Variants in TRIM65 observed in about 807,000 individuals in gnomAD.
TRIM65 encodes the protein tripartite motif containing 65, also known as E3 ubiquitin-protein ligase TRIM65.
A neutral mutation model predicts 36.1 loss-of-function variants in TRIM65; 46 were observed. The observed-to-expected ratio is 1.27, with a 90% CI of 1.01 to 1.63. The LOEUF (loss-of-function observed/expected upper bound fraction) is 1.63. Ranked by LOEUF, TRIM65 falls within the 40% of genes most tolerant of loss-of-function variation. The pLI is 0.00. For synonymous variants in TRIM65, 346 were observed against 313.6 expected (o/e 1.10, Z -1.09); for missense variants, 708 against 696.6 (o/e 1.02, Z -0.18).
At chr17:75,893,099 A>G (rs2065297540) in intron 1 of TRIM65, among the ~76,000 whole-genome samples, 1 of 152,238 alleles carries the variant, frequency 6.6e-6, no homozygotes, top group African/African-American at 2.4e-5. Context: ...CCTTGGGCTC[A>G]GGACCCAACT....
In TRIM65 at chr17:75,896,735, C is replaced by G; in HGVS notation, c.203G>C (p.Gly68Ala). 1 of 1,468,312 alleles carries G rather than the reference C, an allele frequency of 6.8e-7. No individual in the cohort carries two copies. Among genetic ancestry groups the G allele is most frequent in the African/African-American group, 1.5e-5 (1 of 68,214 alleles). 91.0% of individuals were successfully genotyped at this position (1,468,312 alleles called of 1,614,324 possible). A position where few individuals can be genotyped will look rare whatever the true frequency, so the allele number is the denominator to read the frequency against. Residue 68 changes from glycine (G) to alanine (A), a missense_variant, in exon 1 of 6, where the codon GGC (glycine) becomes GCC (alanine). By Grantham distance (60) the Gly-to-Ala change is moderately conservative (BLOSUM62 0). Coordinates refer to ENST00000269383, the MANE Select transcript of TRIM65 (RefSeq NM_173547.4). ...CCCGGCGCGCACCACCTCCAGCACG[C>G]CGCTGAGGGCCACGTTGCGGCGCAG... is the stretch of plus-strand genomic sequence containing the variant. Reference protein sequence around the residue: ...AELRRNVALSGVLEVVRAGPA... With the variant: ...AELRRNVALSAVLEVVRAGPA...
downstream of TRIM65, among the ~76,000 whole-genome samples, chr17:75,884,165 T>G (rs2065188915): frequency 6.7e-6 from 1 of 150,308 alleles, no homozygotes; most frequent in Admixed American, 6.6e-5. Flanking sequence ...AGATAGATAG[T>G]AAACAATTTA....
At position 75,890,054 on chromosome 17, in the gene TRIM65, A is replaced by T. The variant is rs974140130; in HGVS notation, c.*725T>A. ...CAGTGAAAATTTTCAATCATGTGAA[A>T]AATGCTTATGTTAAGTCAGGAAACT... On this transcript the variant is annotated 3_prime_UTR_variant, in exon 6 of 6. Coordinates refer to ENST00000269383, the MANE Select transcript of TRIM65 (RefSeq NM_173547.4). 1 of 152,212 alleles carries T rather than the reference A, an allele frequency of 6.6e-6. No individual in the cohort carries two copies. The highest frequency in any genetic ancestry group is 2.4e-5 in the African/African-American group (1 of 41,452). The allele number at this position is 152,212 out of a possible 1,614,324, so 9.4% of individuals were successfully genotyped here. A position where few individuals can be genotyped will look rare whatever the true frequency, so the allele number is the denominator to read the frequency against.
chr17:75,889,944 A>T lies in TRIM65; in HGVS notation c.*835T>A, dbSNP rs145180229. 2.6e-5 allele frequency: 4 copies of T among 152,168 alleles called. No homozygotes were observed. Among genetic ancestry groups the T allele is most frequent in the Non-Finnish European group, 4.4e-5 (3 of 68,030 alleles). 9.4% of individuals were successfully genotyped at this position (152,168 alleles called of 1,614,324 possible). ...ATCCTGTCTCAAAAAAAACACATCA[A>T]TGTTTGTATAGCTAAAAAGAAAGAA... On this transcript the variant is annotated 3_prime_UTR_variant, in exon 6 of 6. Coordinates refer to ENST00000269383, the MANE Select transcript of TRIM65 (RefSeq NM_173547.4).
chr17:75,888,980 A>G lies in TRIM65; in HGVS notation c.*1799T>C, dbSNP rs2065232011. The G allele has an allele frequency of 6.6e-6, 1 of 151,132 alleles. No homozygotes were observed. The highest frequency in any genetic ancestry group is 1.5e-5 in the Non-Finnish European group (1 of 67,860). The allele number at this position is 151,132 out of a possible 1,614,324, so 9.4% of individuals were successfully genotyped here. A position where few individuals can be genotyped will look rare whatever the true frequency, so the allele number is the denominator to read the frequency against. On this transcript the variant is annotated 3_prime_UTR_variant, in exon 6 of 6. Transcript: ENST00000269383. ...ACGTATTATCCTTTTAAAAAGTTTT[A>G]TTGTGAAATATTTATCCATGAGTAC...
At chr17:75,893,618 T>A (rs573137227) in intron 1 of TRIM65, among the ~76,000 whole-genome samples, 9 of 152,116 alleles carry the variant, frequency 5.9e-5, no homozygotes, top group African/African-American at 1.9e-4. Flanking sequence ...ACCATTACTA[T>A]CCCCACATCA....
downstream of TRIM65, among the ~76,000 whole-genome samples, chr17:75,888,597 C>G (rs966859569): frequency 1.2e-4 from 19 of 152,202 alleles, no homozygotes; most frequent in African/African-American, 4.3e-4. Context: ...GAGGTGGGGA[C>G]AGCAATGACA....
chr17:75,887,087 C>T (rs1020060353), downstream of TRIM65, among the ~76,000 whole-genome samples: 98 of 147,142 alleles, frequency 6.7e-4, no homozygotes, highest in African/African-American at 2.5e-3. Flanking sequence ...TCACTTGAGC[C>T]CGGGAGGCAG....
chr17:75,886,298 G>A (rs1447658447), downstream of TRIM65, among the ~76,000 whole-genome samples: 3 of 151,986 alleles, frequency 2.0e-5, no homozygotes, highest in Non-Finnish European at 2.9e-5. Context: ...CGAGGCGGGC[G>A]GATCACGAGG....
At chr17:75,895,579 G>T (rs899874018) in intron 1 of TRIM65, among the ~76,000 whole-genome samples, 8 of 152,154 alleles carry the variant, frequency 5.3e-5, no homozygotes, top group Non-Finnish European at 8.8e-5. Flanking sequence ...TGATTCCTCT[G>T]CCTAGAATGC....
intron 4 of TRIM65, among the ~76,000 whole-genome samples, chr17:75,880,789 C>T (rs992491904): frequency 6.7e-6 from 1 of 150,160 alleles, no homozygotes; most frequent in Non-Finnish European, 1.5e-5. Flanking sequence ...CACACCCAAA[C>T]CCTTGTCCAC....
intron 1 of TRIM65, among the ~76,000 whole-genome samples, chr17:75,896,108 T>C (rs1490649967): frequency 6.6e-6 from 1 of 152,168 alleles, no homozygotes; most frequent in Non-Finnish European, 1.5e-5. Flanking sequence ...CAGACTGGAG[T>C]GCAGTGGCAC....
chr17:75,885,704 A>C (rs1159451027), downstream of TRIM65, among the ~76,000 whole-genome samples: 1 of 152,124 alleles, frequency 6.6e-6, no homozygotes, highest in Non-Finnish European at 1.5e-5. Flanking sequence ...CTGAGGATGG[A>C]GGCTGACGTG....
intron 2 of TRIM65, 107 bp downstream of exon 2, chr17:75,892,648 C>T (rs919519290): frequency 7.1e-6 from 9 of 1,264,964 alleles, no homozygotes; most frequent in Non-Finnish European, 9.9e-6. Flanking sequence ...GTGCCCAGCT[C>T]CCTGCTCAGC....
chr17:75,886,701 T>G (rs1278141135), downstream of TRIM65, among the ~76,000 whole-genome samples: 1 of 152,120 alleles, frequency 6.6e-6, no homozygotes, highest in Non-Finnish European at 1.5e-5. Context: ...GCCCTTGTTC[T>G]GTCTCTGGGT....
rs1274337933 is a variant in TRIM65, at chr17:75,891,083, C to A, written c.1250G>T (p.Gly417Val). ...GAGCCCCCAGGAGCAGGGTCCCCGG[C>A]CAATGTTGTCTGTGTGGGGCCCCAG... is the stretch of plus-strand genomic sequence containing the variant. ...CRLGPHTDNI[G>V]RGPCSWGLCV... Residue 417 changes from glycine to valine, a missense_variant, in exon 6 of 6, where the codon GGC (glycine) becomes GTC (valine). By Grantham distance (109) the Gly-to-Val change is moderately radical. Transcript: ENST00000269383. The A allele has an allele frequency of 6.2e-7, 1 of 1,611,240 alleles. No individual in the cohort carries two copies.
At chr17:75,881,455 AG>A (rs2143992536) in intron 4 of TRIM65, among the ~76,000 whole-genome samples, 1 of 150,422 alleles carries the variant, frequency 6.6e-6, no homozygotes, top group South Asian at 2.1e-4. Flanking sequence ...CAGCACAGTC[AG>A]GGTTCCAGTG....
At chr17:75,896,129 T>C (rs535684547) in intron 1 of TRIM65, among the ~76,000 whole-genome samples, 5 of 152,276 alleles carry the variant, frequency 3.3e-5, no homozygotes, top group South Asian at 4.1e-4. Flanking sequence ...GATCTCGGCT[T>C]ACTGCAAGCT....
At position 75,891,104 on chromosome 17, in the gene TRIM65, C is replaced by A. The variant is rs201246439; in HGVS notation, c.1229G>T (p.Gly410Val). 2 of 1,609,806 alleles carry A rather than the reference C, an allele frequency of 1.2e-6. No individual in the cohort carries two copies. Among genetic ancestry groups the A allele is most frequent in the East Asian group, 2.2e-5 (1 of 44,882 alleles). ...SYPQLPRCRL[G>V]PHTDNIGRGP... is the part of the protein sequence containing the mutation. Reference sequence around the variant, plus strand: ...CCGGCCAATGTTGTCTGTGTGGGGCCCCAGCCTGCACCGTGGCAGTTGCGG... The same window carrying A: ...CCGGCCAATGTTGTCTGTGTGGGGCACCAGCCTGCACCGTGGCAGTTGCGG... The change falls in exon 6 of 6, where the codon GGG (glycine) becomes GTG (valine). Residue 410 changes from glycine (G) to valine (V), a missense_variant. Physicochemically the swap from Gly to Val is moderately radical, Grantham distance 109. Transcript: ENST00000269383.
Sources: allele counts gnomAD v4.1 joint callset (sites outside exome capture counted in the v4.1 genomes callset), GRCh38; gene constraint gnomAD v4.1.1; transcripts MANE v1.5; gene names NCBI Gene and HGNC (gene_info 2026-07-23, HGNC 2026-07-21).